The following CD38 variants were observed in gnomAD, a reference collection of about 807,000 sequenced individuals.
CD38 encodes the protein CD38 molecule.
In CD38, 31 loss-of-function variants were observed where a neutral mutation model predicts 36.3. That is an observed-to-expected ratio of 0.85 (90% CI 0.64 to 1.15). CD38 has a LOEUF of 1.15. Ranked by LOEUF, CD38 falls within the 50% of genes most tolerant of loss-of-function variation. The probability of loss-of-function intolerance (pLI) is 0.00; values close to 1 mark genes in which losing one functional copy is unlikely to be tolerated. For synonymous variants in CD38, 131 were observed against 135.2 expected (o/e 0.97, Z 0.22); for missense variants, 380 against 371.9 (o/e 1.02, Z -0.18).
chr4:15,805,906 G>T (rs1236198678), intron 1 of CD38, among the ~76,000 whole-genome samples: 1 of 152,138 alleles, frequency 6.6e-6, no homozygotes, highest in Non-Finnish European at 1.5e-5. Flanking sequence ...TGCCCTATGG[G>T]AACTGACAGC....
chr4:15,805,218 T>A (rs1723315182), intron 1 of CD38, among the ~76,000 whole-genome samples: 1 of 152,206 alleles, frequency 6.6e-6, no homozygotes, highest in Non-Finnish European at 1.5e-5. Context: ...TAAAAACTTT[T>A]AAAAAACAAA....
chr4:15,819,824 G>A (rs549195770), intron 2 of CD38, among the ~76,000 whole-genome samples: 1 of 152,286 alleles, frequency 6.6e-6, no homozygotes, highest in South Asian at 2.1e-4. Context: ...ACACACTTCA[G>A]GATATCATCC....
intron 3 of CD38, among the ~76,000 whole-genome samples, chr4:15,827,930 G>A (rs949346468): frequency 6.6e-6 from 1 of 152,056 alleles, no homozygotes; most frequent in African/African-American, 2.4e-5. Flanking sequence ...ATTTATAATT[G>A]TATGTATTTG....
chr4:15,788,093 G>A (rs1194777883), intron 1 of CD38, among the ~76,000 whole-genome samples: 1 of 152,064 alleles, frequency 6.6e-6, no homozygotes, highest in Non-Finnish European at 1.5e-5. Flanking sequence ...TTCCCTATCG[G>A]TTCTCCCACT....
chr4:15,778,414 T>G lies in CD38; in HGVS notation c.-1T>G. On this transcript the variant is annotated 5_prime_UTR_variant, in exon 1 of 8. Transcript: ENST00000226279. This position sits in a 1 kb window ranked among gnomAD's most constrained non-coding sequence, Gnocchi z 4.9. The stretch of plus-strand genomic sequence containing the variant: ...GCCCAGCCAACCCCGCCTGGAGCCC[T>G]ATGGCCAACTGCGAGTTCAGCCCGG... 6.2e-7 allele frequency: 1 copy of G among 1,612,582 alleles called. No homozygotes were observed. The highest frequency in any genetic ancestry group is 8.5e-7 in the Non-Finnish European group (1 of 1,178,892).
At chr4:15,833,409 T>C (rs372667434) in intron 3 of CD38, among the ~76,000 whole-genome samples, 15 of 152,244 alleles carry the variant, frequency 9.9e-5, no homozygotes, top group African/African-American at 3.6e-4. Context: ...TAAAGCACCT[T>C]ATGAAATGTA....
chr4:15,790,438 G>C (rs554395101), intron 1 of CD38, among the ~76,000 whole-genome samples: 3 of 151,242 alleles, frequency 2.0e-5, no homozygotes, highest in Non-Finnish European at 4.4e-5. Flanking sequence ...TCGGCCTCCC[G>C]AGGTGCCGGG....
chr4:15,838,141 G>T lies in CD38; in HGVS notation c.635G>T (p.Arg212Leu). 1 of 1,613,374 alleles carries T rather than the reference G, an allele frequency of 6.2e-7. No homozygotes were observed. The highest frequency in any genetic ancestry group is 2.2e-5 in the East Asian group (1 of 44,880). The change falls in exon 5 of 8, where the codon CGC (arginine) becomes CTC (leucine). Residue 212 changes from arginine to leucine, a missense_variant. Transcript: ENST00000226279. ...GTCCATGTGATGCTCAATGGATCCC[G>T]CAGTAAAATCTTTGACAAAAACAGG... ...DVVHVMLNGSRSKIFDKNSTF... is the reference protein window; with the variant it reads ...DVVHVMLNGSLSKIFDKNSTF...
intron 4 of CD38, among the ~76,000 whole-genome samples, chr4:15,837,652 G>C (rs552825769): frequency 6.6e-6 from 1 of 152,026 alleles, no homozygotes; most frequent in Admixed American, 6.5e-5. Flanking sequence ...CAGGCCTAAG[G>C]GTCCCCTGTT....
At chr4:15,831,036 T>G (rs1485366354) in intron 3 of CD38, among the ~76,000 whole-genome samples, 1 of 152,096 alleles carries the variant, frequency 6.6e-6, no homozygotes, top group African/African-American at 2.4e-5. Context: ...CTGTTATATG[T>G]TTTTGAGTTT....
chr4:15,834,643 C>A (rs892856693), intron 4 of CD38, among the ~76,000 whole-genome samples: 1 of 152,084 alleles, frequency 6.6e-6, no homozygotes, highest in Non-Finnish European at 1.5e-5. Context: ...ATGTATAGAC[C>A]CCTTACTATG....
Position 15,848,805 on chromosome 4 carries a change from C to G in CD38, c.*203C>G. 2.4e-6 allele frequency: 1 copy of G among 415,414 alleles called. No individual in the cohort carries two copies. Among genetic ancestry groups the G allele is most frequent in the Non-Finnish European group, 4.3e-6 (1 of 232,248 alleles). 25.7% of individuals were successfully genotyped at this position (415,414 alleles called of 1,614,324 possible). ...ACCTTTATTGTGATCTATCAATAGT[C>G]AAGAAAAATTATTGTATAAGATTAG... On this transcript the variant is annotated 3_prime_UTR_variant, in exon 8 of 8. Coordinates refer to ENST00000226279, the MANE Select transcript of CD38 (RefSeq NM_001775.4).
chr4:15,807,551 G>C (rs7668511), intron 1 of CD38, among the ~76,000 whole-genome samples: 50,979 of 151,980 alleles, frequency 0.34, 9,621 homozygotes, highest in African/African-American at 0.49. Context: ...TGAGTGTCAG[G>C]GGGGGCTGCA....
Position 15,809,480 on chromosome 4 carries a change from C to T in CD38, c.234-7031C>T, listed in dbSNP as rs140099627. Among the ~76,000 whole-genome samples the T allele has an allele frequency of 9.1e-3, 1,391 of 152,268 alleles. 13 individuals are homozygous for T. The highest frequency in any genetic ancestry group is 0.012 in the Non-Finnish European group (831 of 68,030). The stretch of plus-strand genomic sequence containing the variant: ...TTGACCATTAGAATCGTTTGGGAGA[C>T]CTTTTTAGAAATTCTTGGTTCTGGG... On this transcript the variant is annotated intron_variant, in intron 1 of 7. Transcript: ENST00000226279.
intron 3 of CD38, among the ~76,000 whole-genome samples, chr4:15,832,491 G>T (rs1723978741): frequency 6.6e-6 from 1 of 152,172 alleles, no homozygotes; most frequent in Non-Finnish European, 1.5e-5. Flanking sequence ...AATGCTGTGG[G>T]TCTTGTACAC....
chr4:15,833,573 A>G (rs1007529415), intron 3 of CD38, among the ~76,000 whole-genome samples: 5 of 152,208 alleles, frequency 3.3e-5, no homozygotes, highest in Non-Finnish European at 7.3e-5. Context: ...TCCTAGAATT[A>G]CTATATCATG....
intron 1 of CD38, among the ~76,000 whole-genome samples, chr4:15,791,655 G>T (rs1722995186): frequency 1.0e-5 from 1 of 97,318 alleles, no homozygotes; most frequent in Non-Finnish European, 2.0e-5. Context: ...CCGGCCAGCC[G>T]CCCCGTCCGG....
intron 5 of CD38, among the ~76,000 whole-genome samples, chr4:15,838,578 C>A (rs1724126463): frequency 6.6e-6 from 1 of 152,136 alleles, no homozygotes; most frequent in Non-Finnish European, 1.5e-5. Flanking sequence ...CTGCCTTGAC[C>A]CTCCTCTCCT....
At chr4:15,831,382 C>T (rs1723955343) in intron 3 of CD38, among the ~76,000 whole-genome samples, 1 of 152,060 alleles carries the variant, frequency 6.6e-6, no homozygotes, top group Non-Finnish European at 1.5e-5. Context: ...GAGTTTTGTA[C>T]CTTCAGATGA....
Sources: allele counts gnomAD v4.1 joint callset (sites outside exome capture counted in the v4.1 genomes callset), GRCh38; gene constraint gnomAD v4.1.1; non-coding constraint Gnocchi (gnomAD v3.1); transcripts MANE v1.5; gene names NCBI Gene and HGNC (gene_info 2026-07-23, HGNC 2026-07-21).